ERBB4: variants seen among roughly 807,000 people sequenced by gnomAD.
The protein encoded by ERBB4 is receptor tyrosine-protein kinase erbB-4.
In ERBB4, 42 loss-of-function variants were observed where a neutral mutation model predicts 158.0. The ratio of observed to expected loss-of-function variants is 0.27; its 90% CI spans 0.21 to 0.34. ERBB4 has a LOEUF of 0.34. ERBB4 is among the 10% of genes least tolerant of loss of function. ERBB4 has a pLI of 1.00. For synonymous variants in ERBB4, 583 were observed against 558.7 expected, an observed-to-expected ratio of 1.04 and a Z score of -0.61; for missense variants, 1,333 against 1,624.1, an observed-to-expected ratio of 0.82 and a Z score of 3.08.
chr2:211,635,182 C>A (rs1453213694), intron 16 of ERBB4, among the ~76,000 whole-genome samples: 1 of 152,214 alleles, frequency 6.6e-6, no homozygotes, highest in African/African-American at 2.4e-5. Flanking sequence ...CAAGTCCAAG[C>A]TTAGACTAAA....
intron 19 of ERBB4, among the ~76,000 whole-genome samples, chr2:211,618,312 C>T (rs1167379234): frequency 6.6e-6 from 1 of 151,824 alleles, no homozygotes; most frequent in Non-Finnish European, 1.5e-5. Context: ...CCCTGCTTTC[C>T]CCTTAGGCAA....
intron 16 of ERBB4, among the ~76,000 whole-genome samples, chr2:211,648,741 T>A (rs1226813967): frequency 2.0e-5 from 3 of 151,824 alleles, no homozygotes; most frequent in Non-Finnish European, 3.0e-5. Context: ...CCAATCAATT[T>A]TTCCCAATCC....
At chr2:212,134,745 G>A (rs1266336716) in intron 1 of ERBB4, among the ~76,000 whole-genome samples, 2 of 137,024 alleles carry the variant, frequency 1.5e-5, no homozygotes, top group East Asian at 2.1e-4. Flanking sequence ...GTGCAGAGGT[G>A]CAATCTCGGC....
intron 5 of ERBB4, among the ~76,000 whole-genome samples, chr2:211,738,303 A>T (rs941443355): frequency 1.1e-4 from 16 of 152,012 alleles, no homozygotes; most frequent in Admixed American, 1.3e-4. Context: ...AAATTATTTT[A>T]AAAATACAAA....
chr2:211,568,676 T>TAAAAGAGAG (rs952446689), intron 19 of ERBB4, among the ~76,000 whole-genome samples: 8 of 151,966 alleles, frequency 5.3e-5, no homozygotes, highest in African/African-American at 1.9e-4. Flanking sequence ...TAGGGAAGAT[T>TAAAAGAGAG]AAAAGAGAGA....
chr2:211,665,786 T>C (rs2071608230), intron 14 of ERBB4, among the ~76,000 whole-genome samples: 1 of 152,228 alleles, frequency 6.6e-6, no homozygotes, highest in East Asian at 1.9e-4. Context: ...GTCATGACTC[T>C]AATGTGACTT....
intron 20 of ERBB4, among the ~76,000 whole-genome samples, chr2:211,524,619 G>A (rs951009324): frequency 2.1e-4 from 31 of 147,396 alleles, no homozygotes; most frequent in Admixed American, 1.9e-3. Context: ...CCGCTGGCCC[G>A]GGTGCTACGC....
chr2:212,502,765 A>G (rs922356547), intron 1 of ERBB4, among the ~76,000 whole-genome samples: 7 of 152,052 alleles, frequency 4.6e-5, no homozygotes, highest in Admixed American at 6.6e-5. Context: ...GCCACCTTCC[A>G]TTCTTTCTTT....
At chr2:212,251,054 A>C (rs1574520996) in intron 1 of ERBB4, among the ~76,000 whole-genome samples, 1 of 152,092 alleles carries the variant, frequency 6.6e-6, no homozygotes, top group South Asian at 2.1e-4. Flanking sequence ...ATAGCAACTA[A>C]GCTTCAAGTT....
At chr2:212,018,755 T>C (rs1230760318) in intron 2 of ERBB4, among the ~76,000 whole-genome samples, 1 of 152,122 alleles carries the variant, frequency 6.6e-6, no homozygotes, top group Admixed American at 6.6e-5. Context: ...AATGAATATA[T>C]ATTTTCCTCC....
At chr2:211,504,978 A>G (rs6435631) in intron 20 of ERBB4, among the ~76,000 whole-genome samples, 23,623 of 152,114 alleles carry the variant, frequency 0.16, 3,091 homozygotes, top group African/African-American at 0.36. Context: ...AAGACTTAAA[A>G]ACATTCTTGA....
intron 1 of ERBB4, among the ~76,000 whole-genome samples, chr2:212,178,910 T>C (rs1388276120): frequency 6.6e-6 from 1 of 151,738 alleles, no homozygotes; most frequent in African/African-American, 2.4e-5. Context: ...GGCTTTTCCA[T>C]AGAAAACTTA....
Position 211,645,895 on chromosome 2 carries a change from C to T in ERBB4, c.1946+11859G>A, listed in dbSNP as rs182096143. 4.6e-5 allele frequency among the ~76,000 whole-genome samples: 7 copies of T among 151,694 alleles called. No individual in the cohort carries two copies. The East Asian group carries it at 1.4e-3, about 29-fold the overall frequency. The stretch of plus-strand genomic sequence containing the variant: ...TATTTTCATGTATTTTAATTAATCC[C>T]TAGCTAAACATACTTTTTTAATGCC... On this transcript the variant is annotated intron_variant, in intron 16 of 27. Transcript: ENST00000342788.
chr2:212,408,832 C>A (rs2091421075), intron 1 of ERBB4, among the ~76,000 whole-genome samples: 1 of 152,152 alleles, frequency 6.6e-6, no homozygotes, highest in Middle Eastern at 3.2e-3. Context: ...TAAATTCACT[C>A]TGAAGTTTAC....
chr2:211,429,832 A>T (rs948558533), intron 21 of ERBB4, among the ~76,000 whole-genome samples: 23 of 152,326 alleles, frequency 1.5e-4, no homozygotes, highest in Non-Finnish European at 2.8e-4. Context: ...AGGTAGCTTG[A>T]TAAAGACTTA....
chr2:212,212,621 GC>G lies in ERBB4; in HGVS notation c.83-87719del, dbSNP rs533257327. ...ACCCCTATAGCCAAGACAATCCTAT[GC>G]AAAAAGAACAAAGCTGGAGGCGTCA... On this transcript the variant is annotated intron_variant, in intron 1 of 27. Coordinates refer to ENST00000342788, the MANE Select transcript of ERBB4 (RefSeq NM_005235.3). Among the ~76,000 whole-genome samples the G allele has an allele frequency of 4.8e-3, 728 of 151,744 alleles. 7 individuals are homozygous for G. Among genetic ancestry groups the G allele is most frequent in the Middle Eastern group, 0.017 (5 of 294 alleles).
chr2:212,297,723 C>T (rs1304092887), intron 1 of ERBB4, among the ~76,000 whole-genome samples: 1 of 151,316 alleles, frequency 6.6e-6, no homozygotes, highest in Admixed American at 6.6e-5. Context: ...TTCCAGAAAA[C>T]CTAGAAAGAT....
chr2:211,752,985 T>G (rs543316877), intron 4 of ERBB4, among the ~76,000 whole-genome samples: 1 of 152,354 alleles, frequency 6.6e-6, no homozygotes, highest in South Asian at 2.1e-4. Context: ...CAGCCAAGAC[T>G]ACCCTTATTT....
rs1025535111 is a variant in ERBB4 at position 211,911,363 on chromosome 2, C to T, written c.421+36067G>A. ...ATCACTGCATCCTCAATCACCTGGGCTCCAGTGATCCTTCCACTCATCTTC... is the reference window on the plus strand; with the variant it reads ...ATCACTGCATCCTCAATCACCTGGGTTCCAGTGATCCTTCCACTCATCTTC... On this transcript the variant is annotated intron_variant, in intron 3 of 27. Transcript: ENST00000342788. 6.6e-5 allele frequency among the ~76,000 whole-genome samples: 10 copies of T among 152,188 alleles called. No homozygotes were observed. In the East Asian group the frequency reaches 1.4e-3, roughly 21 times the overall value.
Sources: gnomAD v4.1 joint callset for allele counts (sites outside exome capture counted in the v4.1 genomes callset) on GRCh38, gnomAD v4.1.1 for gene constraint, MANE v1.5 for transcripts, NCBI Gene and HGNC (gene_info 2026-07-23, HGNC 2026-07-21) for gene names.